The following SEC14L3 variants were observed in gnomAD, a reference collection of about 807,000 sequenced individuals.
SEC14L3 encodes SEC14 like lipid binding 3.
In SEC14L3, 56 loss-of-function variants were observed where a neutral mutation model predicts 57.4. The observed-to-expected ratio is 0.97, with a 90% confidence interval of 0.79 to 1.22. The LOEUF (loss-of-function observed/expected upper bound fraction) is 1.22. Ranked by LOEUF, SEC14L3 falls within the 50% of genes most tolerant of loss-of-function variation. The pLI is 0.00. For synonymous variants in SEC14L3, 173 were observed against 194.4 expected (o/e 0.89, Z 0.92); for missense variants, 485 against 511.7 (o/e 0.95, Z 0.50).
chr22:30,469,327 G>T (rs1935527393), intron 4 of SEC14L3, among the ~76,000 whole-genome samples: 1 of 149,622 alleles, frequency 6.7e-6, no homozygotes, highest in Admixed American at 6.7e-5. Flanking sequence ...AAAAAAAAAA[G>T]CAGATACTGC....
chr22:30,448,953 C>A, exon 13 of SEC14L3: 1 of 792,282 alleles, frequency 1.3e-6, no homozygotes, highest in Non-Finnish European at 2.0e-6. Context: ...CCTAGGCCCT[C>A]TGAGTATAGA....
Position 30,471,607 on chromosome 22 carries a change from C to G in SEC14L3, c.54+298G>C, listed in dbSNP as rs114409413. Reference sequence around the variant, plus strand: ...TGCCTGGGAGGGAGGAACGGGGGTACCTGGCTGCCAGGTAAACCTCTCTGG... The same window carrying G: ...TGCCTGGGAGGGAGGAACGGGGGTAGCTGGCTGCCAGGTAAACCTCTCTGG... On this transcript the variant is annotated intron_variant, in intron 1 of 11. Transcript: ENST00000215812. Among the ~76,000 whole-genome samples, 1,318 of 152,176 alleles carry G rather than the reference C, an allele frequency of 8.7e-3. 15 individuals are homozygous for G. The highest frequency in any genetic ancestry group is 0.03 in the African/African-American group (1,243 of 41,502).
chr22:30,467,325 A>G (rs1935452996), intron 5 of SEC14L3, among the ~76,000 whole-genome samples: 1 of 151,354 alleles, frequency 6.6e-6, no homozygotes, highest in Non-Finnish European at 1.5e-5. Context: ...ATATCAACTT[A>G]CTCATCAATT....
chr22:30,470,178 C>T, intron 3 of SEC14L3, 34 bp downstream of exon 3: 2 of 1,613,940 alleles, frequency 1.2e-6, no homozygotes, highest in Non-Finnish European at 1.7e-6. Flanking sequence ...CTGACAAATC[C>T]CCTCCATAAA....
chr22:30,455,082 A>ATATAATAGATATAC (rs1569225573), downstream of SEC14L3, among the ~76,000 whole-genome samples: 1 of 36,518 alleles, frequency 2.7e-5, no homozygotes, highest in Non-Finnish European at 4.3e-5. Context: ...ATAATATATT[A>ATATAATAGATATAC]AATATTTAAT....
At chr22:30,449,051 T>C in exon 13 of SEC14L3, 3 of 1,545,864 alleles carry the variant, frequency 1.9e-6, no homozygotes, top group Non-Finnish European at 2.6e-6. Context: ...GGGTGAGTCC[T>C]CTTACACACA....
intron 2 of SEC14L3, 87 bp from the exon 3 acceptor site, chr22:30,470,342 C>A: frequency 6.3e-7 from 1 of 1,590,114 alleles, no homozygotes. Context: ...ACACTGGGGG[C>A]CTGGGTGAGA....
chr22:30,468,601 C>A lies in SEC14L3; in HGVS notation c.330G>T (p.Gly110=), dbSNP rs779097003. Residue 110 remains glycine (G), a synonymous_variant, in exon 5 of 12, where the codon GGG becomes GGT. Transcript: ENST00000215812. ...CCTGCTTGGTGACTGAGAAGAGCAA[C>A]CCCTTGGGATCAAGTGGCCCAATGA... The part of the protein sequence containing the change: ...YDIIGPLDPK[G]LLFSVTKQDL... 1.9e-6 allele frequency: 3 copies of A among 1,613,996 alleles called. No homozygotes were observed. Among genetic ancestry groups the A allele is most frequent in the Admixed American group, 3.3e-5 (2 of 59,994 alleles).
downstream of SEC14L3, among the ~76,000 whole-genome samples, chr22:30,456,529 G>A (rs1029099342): frequency 1.4e-4 from 21 of 151,990 alleles, no homozygotes; most frequent in African/African-American, 4.8e-4. Context: ...GCAAGAAGAG[G>A]GGAGGGGTGC....
Position 30,460,828 on chromosome 22 carries a change from C to CA in SEC14L3, c.1081+481dup, listed in dbSNP as rs747778887. On this transcript the variant is annotated intron_variant, in intron 11 of 11. Transcript: ENST00000215812. ...GGACAACAAGAGTGAAACTCTGTCT[C>CA]AAAAAAAAAAAAAAAAAAAAAAAGA... Among the ~76,000 whole-genome samples the CA allele has an allele frequency of 2.5e-3, 262 of 104,174 alleles. 1 individual carries two copies. The highest frequency in any genetic ancestry group is 4.2e-3 in the Non-Finnish European group (215 of 51,550). The allele number at this position is 104,174 out of a possible 152,430, so 68.3% of individuals were successfully genotyped here. A position where few individuals can be genotyped will look rare whatever the true frequency, so the allele number is the denominator to read the frequency against.
rs1002894781 is a variant in SEC14L3, at chr22:30,461,999, T to C, written c.771+87A>G. ...ACACCCAGTTCTTGGCATCTCTCTA[T>C]AGGTAATTGTGGATGAATGACTGAG... is the stretch of plus-strand genomic sequence containing the variant. On this transcript the variant is annotated intron_variant, in intron 9 of 11. Transcript: ENST00000215812. 4.4e-6 allele frequency: 6 copies of C among 1,360,070 alleles called. No homozygotes were observed. The African/African-American group carries it at 7.2e-5, about 16-fold the overall frequency. The allele number at this position is 1,360,070 out of a possible 1,614,324, so 84.3% of individuals were successfully genotyped here.
chr22:30,452,621 G>A lies in SEC14L3; in HGVS notation c.905-3377C>T, dbSNP rs559208536. On this transcript the variant is annotated intron_variant, in intron 12 of 12. Coordinates refer to the SEC14L3 transcript ENST00000403066. ...TTTCTAATAAAAATACTGCCTTGAA[G>A]CCAGCACGGGGAGACAGATTTGAGC... Among the ~76,000 whole-genome samples, 12 of 152,048 alleles carry A rather than the reference G, an allele frequency of 7.9e-5. 1 individual carries two copies. In the South Asian group the frequency reaches 2.5e-3, roughly 32 times the overall value.
At chr22:30,468,727 A>G in intron 4 of SEC14L3, 31 bp from the exon 5 acceptor site, 3 of 1,613,898 alleles carry the variant, frequency 1.9e-6, no homozygotes, top group East Asian at 2.2e-5. Context: ...AGAACTTGGC[A>G]TTACACACCT....
downstream of SEC14L3, among the ~76,000 whole-genome samples, chr22:30,454,755 TAA>T (rs1935061601): frequency 1.3e-5 from 1 of 78,938 alleles, no homozygotes; most frequent in East Asian, 6.6e-4. Flanking sequence ...TTATTATATA[TAA>T]TATATAATAT....
At chr22:30,464,994 C>T (rs1935374807) in intron 7 of SEC14L3, 91 bp from the exon 8 acceptor site, 12 of 1,577,582 alleles carry the variant, frequency 7.6e-6, no homozygotes, top group Non-Finnish European at 9.5e-6. Flanking sequence ...ACAGAGGAGT[C>T]ATGACTAACC....
chr22:30,468,529 C>T lies in SEC14L3; in HGVS notation c.402G>A (p.Glu134=). ...KMRDCERILH[E]CDLQTERLGK... ...TCACCCTCTCTGTCTGCAGGTCACACTCATGCAGGATGCGCTCACAGTCCC... is the reference window on the plus strand; with the variant it reads ...TCACCCTCTCTGTCTGCAGGTCACATTCATGCAGGATGCGCTCACAGTCCC... The change falls in exon 5 of 12, where the codon GAG becomes GAA. Residue 134 remains glutamate, a synonymous_variant. Coordinates refer to ENST00000215812, the MANE Select transcript of SEC14L3 (RefSeq NM_174975.5). The T allele has an allele frequency of 2.5e-6, 4 of 1,613,704 alleles. No homozygotes were observed. The highest frequency in any genetic ancestry group is 3.4e-6 in the Non-Finnish European group (4 of 1,179,824).
chr22:30,449,229 G>C, exon 13 of SEC14L3: 2 of 1,550,430 alleles, frequency 1.3e-6, no homozygotes, highest in South Asian at 2.4e-5. Flanking sequence ...AGACTTCCCA[G>C]ACTCACTTTC....
At chr22:30,457,291 C>T (rs1324830597), downstream of SEC14L3, among the ~76,000 whole-genome samples, 1 of 152,070 alleles carries the variant, frequency 6.6e-6, no homozygotes, top group Non-Finnish European at 1.5e-5. Flanking sequence ...CTCCATCTTC[C>T]CTCATTGGTA....
intron 8 of SEC14L3, among the ~76,000 whole-genome samples, chr22:30,462,492 G>A (rs376910791): frequency 3.3e-5 from 5 of 151,768 alleles, no homozygotes; most frequent in African/African-American, 7.3e-5. Flanking sequence ...CTGCAGCCTC[G>A]ACTTCCTGGG....
Sources: gnomAD v4.1 joint callset for allele counts (sites outside exome capture counted in the v4.1 genomes callset) on GRCh38, gnomAD v4.1.1 for gene constraint, MANE v1.5 for transcripts, NCBI Gene and HGNC (gene_info 2026-07-23, HGNC 2026-07-21) for gene names.